Variants in ATXN1 observed in about 807,000 individuals in gnomAD.
ATXN1 encodes the protein ataxin-1.
ATXN1 carries 8 observed loss-of-function variants against 56.4 expected under a neutral mutation model. The observed-to-expected ratio is 0.14, with a 90% CI of 0.08 to 0.26. The LOEUF (loss-of-function observed/expected upper bound fraction) is 0.26, where lower values mean the gene tolerates loss of function less well. Among genes scored for constraint, ATXN1 ranks in the 10% least tolerant of loss-of-function variants. ATXN1 has a pLI of 1.00. For synonymous variants in ATXN1, 514 were observed against 494.6 expected, an observed-to-expected ratio of 1.04 and a Z score of -0.52; for missense variants, 987 against 1,106.5, an observed-to-expected ratio of 0.89 and a Z score of 1.53.
chr6:16,731,465 T>C (rs531966013), intron 2 of ATXN1, among the ~76,000 whole-genome samples: 54 of 101,148 alleles, frequency 5.3e-4, no homozygotes, highest in Admixed American at 4.2e-3. Flanking sequence ...TTTTTTTTTT[T>C]TTTTTTTTTT....
rs912399281 is a variant in ATXN1, at chr6:16,327,145, T to C, written c.1166A>G (p.Asn389Ser). 8 of 1,613,594 alleles carry C rather than the reference T, an allele frequency of 5.0e-6. No homozygotes were observed. The highest frequency in any genetic ancestry group is 4.0e-5 in the African/African-American group (3 of 74,922). ...RASVMVLPNS[N>S]TPAADLEVQQ... ...CACCTCCAGGTCAGCTGCGGGCGTG[T>C]TGCTGTTGGGCAGGACCATCACAGA... The change falls in exon 7 of 8, where the codon AAC (asparagine) becomes AGC (serine). Residue 389 changes from asparagine to serine, a missense_variant. Asn to Ser is a conservative substitution (Grantham distance 46). Transcript: ENST00000436367.
intron 6 of ATXN1, among the ~76,000 whole-genome samples, chr6:16,376,317 T>C (rs1762140746): frequency 6.6e-6 from 1 of 152,202 alleles, no homozygotes; most frequent in Non-Finnish European, 1.5e-5. Context: ...GACTAAATCC[T>C]TTCTTTGTAC....
rs192523177 is a variant in ATXN1, at chr6:16,323,402, T to A, written c.1917+2992A>T. Reference sequence around the variant, plus strand: ...GGGGTGATGGCGTGTGCCTGTAGTCTCGGCTACTTGGGAGGCTGAGGCAGA... The same window carrying A: ...GGGGTGATGGCGTGTGCCTGTAGTCACGGCTACTTGGGAGGCTGAGGCAGA... On this transcript the variant is annotated intron_variant, in intron 7 of 7. Transcript: ENST00000436367. Among the ~76,000 whole-genome samples the A allele has an allele frequency of 4.0e-5, 6 of 151,788 alleles. No individual in the cohort carries two copies. The East Asian group carries it at 1.2e-3, about 30-fold the overall frequency.
At chr6:16,580,197 T>A (rs1011689889) in intron 4 of ATXN1, among the ~76,000 whole-genome samples, 1 of 152,238 alleles carries the variant, frequency 6.6e-6, no homozygotes, top group Non-Finnish European at 1.5e-5. Flanking sequence ...GCACAGATCT[T>A]GAGTTAGGGA....
rs541241195 is a variant in ATXN1, at chr6:16,627,885, G to A, written c.-489+29891C>T. Among the ~76,000 whole-genome samples the A allele has an allele frequency of 3.9e-5, 6 of 152,238 alleles. No individual in the cohort carries two copies. In the South Asian group the frequency reaches 1.2e-3, roughly 32 times the overall value. ...CGAAGCAACATGAAGAAGAAACAAG[G>A]ACAAGGTGAAGAATGGCTCCATACA... is the stretch of plus-strand genomic sequence containing the variant. On this transcript the variant is annotated intron_variant, in intron 3 of 7. Coordinates refer to ENST00000436367, the MANE Select transcript of ATXN1 (RefSeq NM_001128164.2).
At chr6:16,431,686 C>T (rs911976609) in intron 6 of ATXN1, among the ~76,000 whole-genome samples, 4 of 152,170 alleles carry the variant, frequency 2.6e-5, no homozygotes, top group Non-Finnish European at 5.9e-5. Flanking sequence ...CCCCCATTTA[C>T]GGGCAAGAAA....
chr6:16,524,036 G>A (rs557180668), intron 4 of ATXN1, among the ~76,000 whole-genome samples: 1 of 152,204 alleles, frequency 6.6e-6, no homozygotes, highest in Non-Finnish European at 1.5e-5. Flanking sequence ...CAGCATCTTT[G>A]GGATTCATTC....
rs1383439242 is a variant in ATXN1 at position 16,327,494 on chromosome 6, G to T, written c.817C>A (p.His273Asn). ...PPAIPVHLHPHQTMIPHTLTL... is the reference protein window; with the variant it reads ...PPAIPVHLHPNQTMIPHTLTL... ...AGCGTGTGTGGGATCATCGTCTGGT[G>T]GGGGTGGAGGTGGACGGGGATGGCC... is the stretch of plus-strand genomic sequence containing the variant. Residue 273 changes from histidine (H) to asparagine (N), a missense_variant, in exon 7 of 8, where the codon CAC (histidine) becomes AAC (asparagine). This residue lies in a region of ATXN1 where 723 missense variants were observed against 791.7 expected (regional missense o/e 0.91). Coordinates refer to ENST00000436367, the MANE Select transcript of ATXN1 (RefSeq NM_001128164.2). 4 of 1,613,000 alleles carry T rather than the reference G, an allele frequency of 2.5e-6. No homozygotes were observed. The African/African-American group carries it at 4.0e-5, about 16-fold the overall frequency.
chr6:16,744,929 T>C (rs1334976529), intron 2 of ATXN1, among the ~76,000 whole-genome samples: 7 of 152,198 alleles, frequency 4.6e-5, no homozygotes, highest in Non-Finnish European at 8.8e-5. Flanking sequence ...CTGTAGCAAA[T>C]AGGACTTTTT....
At chr6:16,423,603 A>T (rs1759079932) in intron 6 of ATXN1, among the ~76,000 whole-genome samples, 1 of 152,158 alleles carries the variant, frequency 6.6e-6, no homozygotes, top group Admixed American at 6.5e-5. Context: ...AGTGAGGTGG[A>T]GGCCTAGAGA....
At chr6:16,510,595 G>A (rs1377712446) in intron 5 of ATXN1, among the ~76,000 whole-genome samples, 2 of 152,084 alleles carry the variant, frequency 1.3e-5, no homozygotes, top group African/African-American at 4.8e-5. Context: ...AATTAGCTGG[G>A]CATGGTGGCA....
intron 2 of ATXN1, among the ~76,000 whole-genome samples, chr6:16,741,608 T>C (rs929967233): frequency 1.3e-5 from 2 of 152,236 alleles, no homozygotes; most frequent in African/African-American, 2.4e-5. Flanking sequence ...AGCCAACAGC[T>C]GTGTTTGGTC....
intron 5 of ATXN1, among the ~76,000 whole-genome samples, chr6:16,492,088 T>C (rs1308848193): frequency 5.3e-5 from 8 of 152,186 alleles, no homozygotes; most frequent in Admixed American, 1.3e-4. Context: ...TATGAAACCC[T>C]GAACAGATAA....
chr6:16,569,971 G>T lies in ATXN1; in HGVS notation c.-361+15809C>A, dbSNP rs537252519. 5.9e-5 allele frequency among the ~76,000 whole-genome samples: 9 copies of T among 152,066 alleles called. 1 individual carries two copies. The highest frequency in any genetic ancestry group is 1.0e-4 in the Non-Finnish European group (7 of 68,012). On this transcript the variant is annotated intron_variant, in intron 4 of 7. Coordinates refer to ENST00000436367, the MANE Select transcript of ATXN1 (RefSeq NM_001128164.2). ...TGCGATACAAGGACCCTGGGTCAGG[G>T]AATCACCACCATACAGACGCCCTCT...
chr6:16,399,633 CCGGAAG>C (rs1276079203), intron 6 of ATXN1, among the ~76,000 whole-genome samples: 19 of 152,194 alleles, frequency 1.2e-4, no homozygotes, highest in African/African-American at 4.6e-4. Flanking sequence ...TGGCTCTCAA[CCGGAAG>C]CAATTTTGCT....
intron 6 of ATXN1, among the ~76,000 whole-genome samples, chr6:16,378,500 A>C (rs1035236611): frequency 2.0e-5 from 3 of 152,096 alleles, no homozygotes; most frequent in African/African-American, 7.2e-5. Flanking sequence ...TTCTATGAAC[A>C]GTGCTCTTCC....
chr6:16,504,882 C>G (rs900232832), intron 5 of ATXN1, among the ~76,000 whole-genome samples: 8 of 152,150 alleles, frequency 5.3e-5, no homozygotes, highest in Non-Finnish European at 1.2e-4. Flanking sequence ...AGGAGTCCTC[C>G]TGGGGGAAAG....
At chr6:16,749,433 C>T (rs889049199) in intron 2 of ATXN1, among the ~76,000 whole-genome samples, 4 of 152,184 alleles carry the variant, frequency 2.6e-5, no homozygotes, top group South Asian at 2.1e-4. Context: ...GAATTTCAAA[C>T]GCAGCATTCA....
chr6:16,341,480 T>A (rs1761246656), intron 6 of ATXN1, among the ~76,000 whole-genome samples: 1 of 152,042 alleles, frequency 6.6e-6, no homozygotes, highest in Non-Finnish European at 1.5e-5. Flanking sequence ...GGATTCTAAT[T>A]TGCAGCCAGA....
Sources: gnomAD v4.1 joint callset for allele counts (sites outside exome capture counted in the v4.1 genomes callset) on GRCh38, gnomAD v4.1.1 for gene constraint, gnomAD v4.1.1 regional missense constraint, MANE v1.5 for transcripts, NCBI Gene and HGNC (gene_info 2026-07-23, HGNC 2026-07-21) for gene names.